Variants in TACC2 observed in about 807,000 individuals in gnomAD.
The protein encoded by TACC2 is transforming acidic coiled-coil containing protein 2, also known as transforming acidic coiled-coil-containing protein 2.
A neutral mutation model predicts 227.3 loss-of-function variants in TACC2; 137 were observed. The ratio of observed to expected loss-of-function variants is 0.60; its 90% CI spans 0.52 to 0.69. The LOEUF (loss-of-function observed/expected upper bound fraction) is 0.69. TACC2 is among the 30% of genes least tolerant of loss of function. The probability of loss-of-function intolerance (pLI) is 0.00; values close to 1 mark genes in which losing one functional copy is unlikely to be tolerated. For missense variants in TACC2, 3,470 were observed against 3,694.4 expected, an observed-to-expected ratio of 0.94 and a Z score of 1.57; for synonymous variants, 1,523 against 1,487.5, an observed-to-expected ratio of 1.02 and a Z score of -0.55.
chr10:122,060,531 T>C (rs1314337889), intron 3 of TACC2, among the ~76,000 whole-genome samples: 1 of 152,238 alleles, frequency 6.6e-6, no homozygotes, highest in Non-Finnish European at 1.5e-5. Context: ...TTGTACTATC[T>C]AAGGCTCTTT....
intron 5 of TACC2, among the ~76,000 whole-genome samples, chr10:122,120,559 C>T (rs753588084): frequency 1.4e-4 from 21 of 152,118 alleles, no homozygotes; most frequent in Non-Finnish European, 2.4e-4. Flanking sequence ...CATGAGTCGA[C>T]GCTGCTCTGA....
intron 5 of TACC2, among the ~76,000 whole-genome samples, chr10:122,115,117 A>G (rs1278189413): frequency 2.0e-5 from 3 of 152,148 alleles, no homozygotes; most frequent in Non-Finnish European, 4.4e-5. Flanking sequence ...TATCCTGGTT[A>G]TTTGTGTTTG....
In TACC2 at chr10:122,059,145, T is replaced by C. The variant is rs1027344602; in HGVS notation, c.146+8595T>C. Among the ~76,000 whole-genome samples, 10 of 151,094 alleles carry C rather than the reference T, an allele frequency of 6.6e-5. No individual in the cohort carries two copies. The East Asian group carries it at 1.8e-3, about 27-fold the overall frequency. On this transcript the variant is annotated intron_variant, in intron 3 of 22. Transcript: ENST00000369005. Reference sequence around the variant, plus strand: ...GTTGGTCAGGCTGGTCTCGAACTCCTGACCTTGTGATCCGCCCGCCTCAGC... The same window carrying C: ...GTTGGTCAGGCTGGTCTCGAACTCCCGACCTTGTGATCCGCCCGCCTCAGC...
chr10:122,001,147 A>G (rs553393333), intron 1 of TACC2, among the ~76,000 whole-genome samples: 53 of 152,338 alleles, frequency 3.5e-4, no homozygotes, highest in Middle Eastern at 6.8e-3. Context: ...TAAAACAAAT[A>G]CTTCCATTGT....
chr10:122,088,602 G>A lies in TACC2; in HGVS notation c.5573+11G>A. On this transcript the variant is annotated intron_variant, in intron 5 of 22. Transcript: ENST00000369005. ...GGAAGGAACAGAAAGGTCAGCGAAA[G>A]ATATTGGTCTTTGGAAGGCCATGAT... is the stretch of plus-strand genomic sequence containing the variant. 1 of 1,609,984 alleles carries A rather than the reference G, an allele frequency of 6.2e-7. No individual in the cohort carries two copies. The highest frequency in any genetic ancestry group is 1.1e-5 in the South Asian group (1 of 90,142).
intron 1 of TACC2, among the ~76,000 whole-genome samples, chr10:121,999,909 G>A (rs962886600): frequency 4.6e-5 from 7 of 152,214 alleles, no homozygotes; most frequent in African/African-American, 1.7e-4. Context: ...TTCATATGTG[G>A]CAAGATCAGT....
rs1449454104 is a variant in TACC2 at position 122,083,253 on chromosome 10, G to A, written c.753G>A (p.Glu251=). The A allele has an allele frequency of 1.2e-6, 2 of 1,613,498 alleles. No individual in the cohort carries two copies. The highest frequency in any genetic ancestry group is 3.3e-5 in the Admixed American group (2 of 60,002). ...TGGCTTCTGTGCAAGTGACCCCTGA[G>A]GCCCCTGCTGCAGCCCAGCAGGGCA... is the stretch of plus-strand genomic sequence containing the variant. ...QGVASVQVTP[E]APAAAQQGTE... The change falls in exon 4 of 23, where the codon GAG becomes GAA. Residue 251 remains glutamate, a synonymous_variant. Transcript: ENST00000369005.
chr10:122,232,777 T>A (rs1424269822), intron 16 of TACC2, among the ~76,000 whole-genome samples: 1 of 152,162 alleles, frequency 6.6e-6, no homozygotes, highest in Non-Finnish European at 1.5e-5. Flanking sequence ...TATAGAAAGA[T>A]TGTTCCTTGC....
At chr10:122,116,300 C>T (rs867213899) in intron 5 of TACC2, among the ~76,000 whole-genome samples, 1 of 152,152 alleles carries the variant, frequency 6.6e-6, no homozygotes, top group African/African-American at 2.4e-5. Flanking sequence ...TCCCTCTGTC[C>T]GCTATCCACA....
At chr10:122,225,068 A>G (rs2095599702) in intron 12 of TACC2, among the ~76,000 whole-genome samples, 1 of 152,038 alleles carries the variant, frequency 6.6e-6, no homozygotes, top group South Asian at 2.1e-4. Context: ...TTTCTTTAAA[A>G]AAAAAAAAAA....
Position 122,068,857 on chromosome 10 carries a change from T to C in TACC2, c.147-13790T>C, listed in dbSNP as rs578023802. Reference sequence around the variant, plus strand: ...TTCTGTCTGTGTGACCTAGAAGTTTTTTTTTTTTTTTTTTGTATTTTTAGT... The same window carrying C: ...TTCTGTCTGTGTGACCTAGAAGTTTCTTTTTTTTTTTTTTGTATTTTTAGT... On this transcript the variant is annotated intron_variant, in intron 3 of 22. Transcript: ENST00000369005. Among the ~76,000 whole-genome samples the C allele has an allele frequency of 5.3e-5, 5 of 93,982 alleles. No individual in the cohort carries two copies. The East Asian group carries it at 2.1e-3, about 39-fold the overall frequency. 61.7% of individuals were successfully genotyped at this position (93,982 alleles called of 152,430 possible).
chr10:122,242,119 A>T (rs1050015311), intron 19 of TACC2, 118 bp downstream of exon 19: 4 of 949,304 alleles, frequency 4.2e-6, no homozygotes, highest in Admixed American at 3.5e-5. Flanking sequence ...CCTTTCAGGG[A>T]AGGACCAGAG....
intron 5 of TACC2, among the ~76,000 whole-genome samples, chr10:122,129,541 C>G (rs1025335944): frequency 6.6e-6 from 1 of 152,158 alleles, no homozygotes; most frequent in Non-Finnish European, 1.5e-5. Context: ...TTGGAAGAAC[C>G]ATGGCTGTGT....
Position 122,088,513 on chromosome 10 carries a change from C to G in TACC2, c.5495C>G (p.Ser1832Trp). 1 of 1,613,644 alleles carries G rather than the reference C, an allele frequency of 6.2e-7. No individual in the cohort carries two copies. Among genetic ancestry groups the G allele is most frequent in the Non-Finnish European group, 8.5e-7 (1 of 1,179,838 alleles). The change falls in exon 5 of 23, where the codon TCG (serine) becomes TGG (tryptophan). Residue 1832 changes from serine to tryptophan, a missense_variant. By Grantham distance (177) the Ser-to-Trp change is radical. Coordinates refer to ENST00000369005, the MANE Select transcript of TACC2 (RefSeq NM_206862.4). ...SPRPGPSMLPSVPKKDAPRVM... is the reference protein window; with the variant it reads ...SPRPGPSMLPWVPKKDAPRVM... Reference sequence around the variant, plus strand: ...AGGCCTGGCCCATCCATGTTACCTTCGGTTCCTAAGAAGGATGCTCCAAGA... The same window carrying G: ...AGGCCTGGCCCATCCATGTTACCTTGGGTTCCTAAGAAGGATGCTCCAAGA...
intron 7 of TACC2, among the ~76,000 whole-genome samples, chr10:122,160,873 T>C (rs1002059158): frequency 6.6e-6 from 1 of 152,242 alleles, no homozygotes; most frequent in Admixed American, 6.5e-5. Context: ...ATAAATAATT[T>C]ACACAAACTA....
intron 5 of TACC2, among the ~76,000 whole-genome samples, chr10:122,103,096 A>AAAAG (rs375177549): frequency 6.6e-6 from 1 of 152,210 alleles, no homozygotes; most frequent in South Asian, 2.1e-4. Flanking sequence ...AAAAGAAAAA[A>AAAAG]AAAGAAAGAA....
intron 5 of TACC2, among the ~76,000 whole-genome samples, chr10:122,123,335 C>T (rs1178439318): frequency 1.3e-5 from 2 of 152,104 alleles, no homozygotes; most frequent in Admixed American, 6.6e-5. Flanking sequence ...CTCACCTGGC[C>T]CCACTCCATG....
intron 8 of TACC2, among the ~76,000 whole-genome samples, chr10:122,206,286 T>C (rs1456203111): frequency 6.6e-6 from 1 of 152,238 alleles, no homozygotes. Flanking sequence ...CACATTCGCT[T>C]TCCCTCAACT....
intron 1 of TACC2, among the ~76,000 whole-genome samples, chr10:121,997,306 T>C (rs1953648686): frequency 6.6e-6 from 1 of 152,122 alleles, no homozygotes; most frequent in African/African-American, 2.4e-5. Context: ...TGAGGGTGGA[T>C]GGATCTCCTC....
Sources: allele counts gnomAD v4.1 joint callset (sites outside exome capture counted in the v4.1 genomes callset), GRCh38; gene constraint gnomAD v4.1.1; transcripts MANE v1.5; gene names NCBI Gene and HGNC (gene_info 2026-07-23, HGNC 2026-07-21).